The following ATXN2 variants were observed in gnomAD, a reference collection of about 807,000 sequenced individuals.
ATXN2 encodes ataxin-2.
In ATXN2, 37 loss-of-function variants were observed where a neutral mutation model predicts 138.6. That is an observed-to-expected ratio of 0.27 (90% CI 0.21 to 0.35). The LOEUF (loss-of-function observed/expected upper bound fraction) is 0.35. Among genes scored for constraint, ATXN2 ranks in the 10% least tolerant of loss-of-function variants. The probability of loss-of-function intolerance (pLI) is 1.00; values close to 1 mark genes in which losing one functional copy is unlikely to be tolerated. For synonymous variants in ATXN2, 549 were observed against 543.7 expected (o/e 1.01, Z -0.13); for missense variants, 1,216 against 1,480.3 (o/e 0.82, Z 2.93).
At chr12:111,478,327 AC>A (rs1441188518) in intron 18 of ATXN2, among the ~76,000 whole-genome samples, 2 of 152,102 alleles carry the variant, frequency 1.3e-5, no homozygotes, top group Admixed American at 6.5e-5. Flanking sequence ...AATTGCTTGA[AC>A]CTGGGAGGCG....
intron 18 of ATXN2, chr12:111,471,211 C>G (rs951735424): frequency 5.6e-6 from 1 of 179,332 alleles, no homozygotes; most frequent in African/African-American, 2.3e-5. Context: ...TGTAACACTT[C>G]CCATTCTTTC....
intron 5 of ATXN2, among the ~76,000 whole-genome samples, chr12:111,530,835 A>G (rs1880782307): frequency 2.0e-5 from 3 of 151,816 alleles, no homozygotes; most frequent in Admixed American, 2.0e-4. Flanking sequence ...AAACAAAAAA[A>G]TGTGTATAGG....
At chr12:111,498,606 G>C (rs932075771) in intron 14 of ATXN2, among the ~76,000 whole-genome samples, 3 of 152,106 alleles carry the variant, frequency 2.0e-5, no homozygotes, top group Non-Finnish European at 4.4e-5. Flanking sequence ...TTATGGATTA[G>C]AAGAATTAAT....
At chr12:111,472,099 C>T (rs1876457360) in intron 18 of ATXN2, among the ~76,000 whole-genome samples, 1 of 151,942 alleles carries the variant, frequency 6.6e-6, no homozygotes. Context: ...ACACTGCCTC[C>T]ACAAAAAATA....
intron 5 of ATXN2, among the ~76,000 whole-genome samples, chr12:111,535,337 A>T (rs598710): frequency 6.6e-6 from 1 of 151,952 alleles, no homozygotes; most frequent in African/African-American, 2.4e-5. Context: ...TAAAAGAAGA[A>T]GGCACAGGGG....
intron 12 of ATXN2, 102 bp downstream of exon 12, chr12:111,510,283 G>A (rs377664577): frequency 7.8e-7 from 1 of 1,274,538 alleles, no homozygotes; most frequent in Non-Finnish European, 1.1e-6. Flanking sequence ...AAAAATACTT[G>A]TCTATGAATA....
At chr12:111,568,672 A>G (rs1397592850) in intron 1 of ATXN2, among the ~76,000 whole-genome samples, 1 of 152,200 alleles carries the variant, frequency 6.6e-6, no homozygotes, top group Non-Finnish European at 1.5e-5. Flanking sequence ...TCCTGAAAGA[A>G]GCCTTCTCAA....
chr12:111,590,981 C>G (rs974141271), intron 1 of ATXN2, among the ~76,000 whole-genome samples: 25 of 151,978 alleles, frequency 1.6e-4, no homozygotes, highest in Non-Finnish European at 3.2e-4. Context: ...CTCTGCCTCC[C>G]GGGTTTCATG....
chr12:111,469,297 T>C (rs1055318011), intron 20 of ATXN2: 4 of 152,206 alleles, frequency 2.6e-5, no homozygotes, highest in South Asian at 4.1e-4. Flanking sequence ...ATGAAATCAG[T>C]ACTATTTAAA....
intron 18 of ATXN2, among the ~76,000 whole-genome samples, chr12:111,480,975 T>A (rs1877185625): frequency 6.6e-6 from 1 of 152,190 alleles, no homozygotes; most frequent in Admixed American, 6.5e-5. Context: ...TTCATCAAAA[T>A]TAAAAACTGT....
intron 8 of ATXN2, among the ~76,000 whole-genome samples, chr12:111,518,845 A>G (rs1400013735): frequency 6.6e-6 from 1 of 152,176 alleles, no homozygotes; most frequent in African/African-American, 2.4e-5. Context: ...CTGAACCGCC[A>G]GTCTCACAGT....
At chr12:111,599,608 T>G (rs1885170556), upstream of ATXN2, 1 of 1,069,300 alleles carries the variant, frequency 9.4e-7, no homozygotes, top group African/African-American at 1.8e-5. Flanking sequence ...AAGCAGAACG[T>G]GAGGTGGCCC....
At chr12:111,521,840 C>G (rs1034985769) in intron 6 of ATXN2, among the ~76,000 whole-genome samples, 1 of 152,166 alleles carries the variant, frequency 6.6e-6, no homozygotes, top group Non-Finnish European at 1.5e-5. Flanking sequence ...GGCAGAGCAG[C>G]TGAGGCTGCA....
chr12:111,474,839 T>G (rs1458199221), intron 18 of ATXN2, among the ~76,000 whole-genome samples: 1 of 152,050 alleles, frequency 6.6e-6, no homozygotes, highest in African/African-American at 2.4e-5. Context: ...ATCCCAGCAC[T>G]TTGGGAGGCC....
Position 111,552,344 on chromosome 12 carries a change from C to A in ATXN2, c.507G>T (p.Leu169Phe). ...CCACAACAAAGTCTGAACATTTGAA[C>A]AAAATACTCTCCATTATTTCTTCAC... ...PKREEIMESI[L>F]FKCSDFVVVQ... Residue 169 changes from leucine (L) to phenylalanine (F), a missense_variant, in exon 5 of 25, where the codon TTG becomes TTT. Leu to Phe is a conservative substitution (Grantham distance 22). Around this residue, in one of 4 missense-constraint regions of ATXN2, gnomAD observed 401 missense variants for 528.1 expected, o/e 0.76. Transcript: ENST00000673436. The surrounding 1 kb of genome is among the most constrained non-coding windows in gnomAD (Gnocchi z 4.1). The A allele has an allele frequency of 6.2e-7, 1 of 1,613,610 alleles. No homozygotes were observed. Among genetic ancestry groups the A allele is most frequent in the Non-Finnish European group, 8.5e-7 (1 of 1,179,802 alleles).
At chr12:111,561,184 CA>C (rs143602215) in intron 1 of ATXN2, among the ~76,000 whole-genome samples, 59 of 129,668 alleles carry the variant, frequency 4.6e-4, no homozygotes, top group East Asian at 6.7e-4. Context: ...GACTCCGCCT[CA>C]AAAAAAAAAA....
intron 5 of ATXN2, among the ~76,000 whole-genome samples, chr12:111,536,044 G>A (rs1881152559): frequency 6.6e-6 from 1 of 151,704 alleles, no homozygotes; most frequent in South Asian, 2.1e-4. Context: ...AGATAAGGTT[G>A]AAAAAGAGAA....
Position 111,516,190 on chromosome 12 carries a change from G to A in ATXN2, c.1339C>T (p.Pro447Ser). ...ATGCGTTTAGGCATAGTAGAGACAG[G>A]AGCTGGAGAACCATGAGCAGAGGGG... ...SHPSAHGSPAPVSTMPKRMSS... is the reference protein window; with the variant it reads ...SHPSAHGSPASVSTMPKRMSS... Residue 447 changes from proline (P) to serine (S), a missense_variant, in exon 10 of 25, where the codon CCT becomes TCT. By Grantham distance (74) the Pro-to-Ser change is moderately conservative. This residue lies in a region of ATXN2 where 401 missense variants were observed against 528.1 expected (regional missense o/e 0.76). Transcript: ENST00000673436. This position sits in a 1 kb window ranked among gnomAD's most constrained non-coding sequence, Gnocchi z 5.0. 6.3e-7 allele frequency: 1 copy of A among 1,585,642 alleles called. No homozygotes were observed. The highest frequency in any genetic ancestry group is 8.5e-7 in the Non-Finnish European group (1 of 1,171,948).
Position 111,598,480 on chromosome 12 carries a change from C to G in ATXN2, c.251+304G>C. The G allele has an allele frequency of 5.1e-6, 5 of 985,256 alleles. No individual in the cohort carries two copies. The highest frequency in any genetic ancestry group is 6.0e-6 in the Non-Finnish European group (5 of 829,940). 61.0% of individuals were successfully genotyped at this position (985,256 alleles called of 1,614,324 possible). A position where few individuals can be genotyped will look rare whatever the true frequency, so the allele number is the denominator to read the frequency against. On this transcript the variant is annotated intron_variant, in intron 1 of 24. Transcript: ENST00000673436. This position sits in a 1 kb window ranked among gnomAD's most constrained non-coding sequence, Gnocchi z 4.5. ...AGGGGGAGCCGGGGCTGACCATCGC[C>G]GCTACCCGAGAACCCCTCCCAACAC...
Sources: gnomAD v4.1 joint callset for allele counts (sites outside exome capture counted in the v4.1 genomes callset) on GRCh38, gnomAD v4.1.1 for gene constraint, gnomAD v4.1.1 regional missense constraint, Gnocchi (gnomAD v3.1) non-coding constraint, MANE v1.5 for transcripts, NCBI Gene and HGNC (gene_info 2026-07-23, HGNC 2026-07-21) for gene names.